PATJ: variants seen among roughly 807,000 people sequenced by gnomAD.
The protein encoded by PATJ is PATJ crumbs cell polarity complex component, also known as inaD-like protein.
PATJ carries 190 observed loss-of-function variants against 224.9 expected under a neutral mutation model. The observed-to-expected ratio is 0.84, with a 90% CI of 0.75 to 0.95. PATJ has a LOEUF of 0.95. Ranked by LOEUF, PATJ falls within the 40% of genes least tolerant of loss-of-function variation. The pLI, the probability that PATJ is intolerant of heterozygous loss-of-function variation, is 0.00. For missense variants in PATJ, 2,121 were observed against 2,270.3 expected (o/e 0.93, Z 1.34); for synonymous variants, 769 against 820.3 (o/e 0.94, Z 1.07).
At chr1:61,987,468 T>C (rs1485047971) in intron 27 of PATJ, among the ~76,000 whole-genome samples, 6 of 152,158 alleles carry the variant, frequency 3.9e-5, no homozygotes, top group Admixed American at 2.6e-4. Flanking sequence ...TTCATGTTGT[T>C]TTCTTAGCTG....
At chr1:62,135,561 A>G (rs902461840) in intron 41 of PATJ, among the ~76,000 whole-genome samples, 2 of 150,550 alleles carry the variant, frequency 1.3e-5, no homozygotes, top group African/African-American at 4.9e-5. Flanking sequence ...CCATGAAGAC[A>G]GTGATAAACT....
At chr1:62,155,710 GAC>G (rs1275487309) in intron 43 of PATJ, among the ~76,000 whole-genome samples, 1 of 119,314 alleles carries the variant, frequency 8.4e-6, no homozygotes, top group African/African-American at 3.2e-5. Context: ...AAAAAAAAAA[GAC>G]AAATTTCTAA....
At chr1:61,776,247 G>C (rs2148405011) in intron 7 of PATJ, among the ~76,000 whole-genome samples, 1 of 152,238 alleles carries the variant, frequency 6.6e-6, no homozygotes, top group East Asian at 1.9e-4. Context: ...GCCTCTGGAG[G>C]GCTCTGAGAG....
chr1:61,760,290 G>A (rs975598232), intron 1 of PATJ, among the ~76,000 whole-genome samples: 2 of 152,096 alleles, frequency 1.3e-5, no homozygotes, highest in Middle Eastern at 3.2e-3. Context: ...AATGGCATCC[G>A]TTATTGGTTT....
intron 31 of PATJ, among the ~76,000 whole-genome samples, chr1:62,058,380 A>G (rs1380684168): frequency 6.6e-6 from 1 of 152,232 alleles, no homozygotes; most frequent in Non-Finnish European, 1.5e-5. Context: ...TTATAAAAAA[A>G]TTAAACATAT....
intron 20 of PATJ, among the ~76,000 whole-genome samples, chr1:61,866,004 GCAGTGTACCAGAGAA>G (rs1665367436): frequency 6.6e-6 from 1 of 152,206 alleles, no homozygotes; most frequent in Non-Finnish European, 1.5e-5. Context: ...AGGGCCCTGG[GCAGTGTACCAGAGAA>G]CAGATGTTTT....
intron 1 of PATJ, among the ~76,000 whole-genome samples, chr1:61,744,433 C>G (rs1180179954): frequency 6.6e-6 from 1 of 152,010 alleles, no homozygotes; most frequent in Admixed American, 6.6e-5. Flanking sequence ...CATGAGCTTT[C>G]TCCCTCAGGC....
intron 28 of PATJ, among the ~76,000 whole-genome samples, chr1:62,009,279 C>T (rs538697593): frequency 1.2e-4 from 19 of 152,110 alleles, no homozygotes; most frequent in Non-Finnish European, 2.4e-4. Context: ...GGGTTCCATT[C>T]TAGACTACCA....
At chr1:61,762,030 A>G (rs1288871395) in intron 1 of PATJ, among the ~76,000 whole-genome samples, 1 of 152,156 alleles carries the variant, frequency 6.6e-6, no homozygotes. Flanking sequence ...TTCTGGGTAT[A>G]GAGAGGACAC....
chr1:62,097,532 C>T (rs990126623), intron 33 of PATJ, among the ~76,000 whole-genome samples: 7 of 152,070 alleles, frequency 4.6e-5, no homozygotes, highest in Admixed American at 2.6e-4. Context: ...GGAGAGACCA[C>T]GTGGAGGGAG....
intron 27 of PATJ, among the ~76,000 whole-genome samples, chr1:61,953,914 C>T (rs891969597): frequency 6.6e-6 from 1 of 152,296 alleles, no homozygotes; most frequent in East Asian, 1.9e-4. Context: ...CTCCAAACAC[C>T]GCAGTGGAAC....
At chr1:62,140,390 C>T (rs959495275) in intron 41 of PATJ, among the ~76,000 whole-genome samples, 24 of 152,270 alleles carry the variant, frequency 1.6e-4, no homozygotes, top group African/African-American at 5.3e-4. Context: ...TGGTGGCTCA[C>T]GCCAGTAATC....
intron 27 of PATJ, among the ~76,000 whole-genome samples, chr1:61,949,050 A>C (rs1334049210): frequency 1.7e-5 from 2 of 117,216 alleles, no homozygotes; most frequent in African/African-American, 6.5e-5. Flanking sequence ...AACATCACAC[A>C]CTGGGGTCTG....
At chr1:61,858,735 A>G (rs767134698) in intron 18 of PATJ, among the ~76,000 whole-genome samples, 1 of 152,256 alleles carries the variant, frequency 6.6e-6, no homozygotes, top group Admixed American at 6.5e-5. Flanking sequence ...AGACAAATAT[A>G]CAAACTGTAT....
At chr1:61,869,925 C>A (rs1184798307) in intron 20 of PATJ, among the ~76,000 whole-genome samples, 1 of 152,210 alleles carries the variant, frequency 6.6e-6, no homozygotes. Flanking sequence ...GCGGCAGCAT[C>A]TAGGGGAGGT....
chr1:62,108,551 G>GTCTATGAAAACTTTTTTTAAC, intron 34 of PATJ, 31 bp downstream of exon 34: 1 of 1,348,572 alleles, frequency 7.4e-7, no homozygotes, highest in Non-Finnish European at 1.1e-6. Flanking sequence ...TTTTATATCA[G>GTCTATGAAAACTTTTTTTAAC]TAAATGTGGT....
intron 3 of PATJ, among the ~76,000 whole-genome samples, chr1:61,765,065 C>CTTT (rs1491546787): frequency 8.2e-4 from 14 of 17,006 alleles, no homozygotes; most frequent in South Asian, 2.5e-3. Flanking sequence ...TATTGACATT[C>CTTT]ATTTTTTTTT....
At chr1:61,937,961 C>T (rs1236540654) in intron 27 of PATJ, among the ~76,000 whole-genome samples, 1 of 152,084 alleles carries the variant, frequency 6.6e-6, no homozygotes, top group Admixed American at 6.6e-5. Flanking sequence ...AGGGACTTGC[C>T]TTTTTTTGTA....
intron 21 of PATJ, among the ~76,000 whole-genome samples, chr1:61,876,792 C>T (rs1667390069): frequency 6.6e-6 from 1 of 152,100 alleles, no homozygotes; most frequent in Admixed American, 6.6e-5. Context: ...ATCTGCAGAA[C>T]AATGAATTTA....
Sources: gnomAD v4.1 joint callset for allele counts (sites outside exome capture counted in the v4.1 genomes callset) on GRCh38, gnomAD v4.1.1 for gene constraint, MANE v1.5 for transcripts, NCBI Gene and HGNC (gene_info 2026-07-23, HGNC 2026-07-21) for gene names.